MAD1L1: variants seen among roughly 807,000 people sequenced by gnomAD.
MAD1L1 encodes the protein mitotic spindle assembly checkpoint protein MAD1.
In MAD1L1, 95 loss-of-function variants were observed where a neutral mutation model predicts 96.9. That is an observed-to-expected ratio of 0.98 (90% CI 0.83 to 1.16). MAD1L1 has a LOEUF of 1.16. Among genes scored for constraint, MAD1L1 ranks in the 50% most tolerant of loss-of-function variants. MAD1L1 has a pLI of 0.00. For missense variants in MAD1L1, 1,007 were observed against 954.4 expected (o/e 1.06, Z -0.73); for synonymous variants, 473 against 396.6 (o/e 1.19, Z -2.29).
intron 10 of MAD1L1, among the ~76,000 whole-genome samples, chr7:2,199,483 A>G (rs1275497312): frequency 6.6e-6 from 1 of 152,250 alleles, no homozygotes; most frequent in African/African-American, 2.4e-5. Context: ...AAACCGCTCA[A>G]TAAGGACTGC....
intron 11 of MAD1L1, chr7:2,079,715 G>A (rs1158134317): frequency 6.4e-6 from 3 of 470,996 alleles, no homozygotes; most frequent in East Asian, 1.4e-4. Flanking sequence ...CGCCTGGGCA[G>A]GGCTCCTCCA....
At chr7:2,222,282 G>A (rs1316816594) in intron 5 of MAD1L1, among the ~76,000 whole-genome samples, 2 of 152,146 alleles carry the variant, frequency 1.3e-5, no homozygotes, top group Non-Finnish European at 2.9e-5. Context: ...GTTTCACCAT[G>A]TTGGTCAGGC....
At chr7:1,826,454 C>T (rs2128623507) in intron 18 of MAD1L1, among the ~76,000 whole-genome samples, 1 of 152,348 alleles carries the variant, frequency 6.6e-6, no homozygotes, top group Non-Finnish European at 1.5e-5. Context: ...CCACCCTGCA[C>T]AAGCCCTCCA....
intron 17 of MAD1L1, among the ~76,000 whole-genome samples, chr7:1,900,050 C>T (rs1340801874): frequency 6.6e-6 from 1 of 152,226 alleles, no homozygotes; most frequent in African/African-American, 2.4e-5. Context: ...TAGGCCAGAT[C>T]ACGTGCCGGA....
intron 11 of MAD1L1, among the ~76,000 whole-genome samples, chr7:2,125,804 A>T (rs377340022): frequency 6.6e-6 from 1 of 152,250 alleles, no homozygotes; most frequent in East Asian, 1.9e-4. Context: ...AACTGAGGAG[A>T]CAATATCAAG....
chr7:2,215,197 G>A (rs1793197952), intron 9 of MAD1L1, among the ~76,000 whole-genome samples: 1 of 152,116 alleles, frequency 6.6e-6, no homozygotes, highest in Non-Finnish European at 1.5e-5. Context: ...AGCCAACGTG[G>A]TGAAACCCTA....
At chr7:1,926,032 AG>A (rs1241384983) in intron 17 of MAD1L1, among the ~76,000 whole-genome samples, 6 of 152,140 alleles carry the variant, frequency 3.9e-5, no homozygotes, top group African/African-American at 1.4e-4. Flanking sequence ...AAAAGAAAAA[AG>A]AAAAAAAAAG....
At chr7:1,956,861 T>C (rs969832648) in intron 16 of MAD1L1, among the ~76,000 whole-genome samples, 2 of 152,172 alleles carry the variant, frequency 1.3e-5, no homozygotes, top group African/African-American at 4.8e-5. Flanking sequence ...TGAGGACACC[T>C]TGGGGAAAGG....
At chr7:1,957,554 A>T (rs888002138) in intron 16 of MAD1L1, 75 bp downstream of exon 16, 30 of 1,438,470 alleles carry the variant, frequency 2.1e-5, no homozygotes, top group Admixed American at 3.6e-5. Context: ...GGCAGCAGGA[A>T]CCACGGTCGT....
intron 18 of MAD1L1, among the ~76,000 whole-genome samples, chr7:1,852,518 G>A (rs1422299375): frequency 6.6e-6 from 1 of 152,178 alleles, no homozygotes; most frequent in African/African-American, 2.4e-5. Flanking sequence ...GGGCAGCCAG[G>A]CTTCCACCCT....
chr7:2,001,970 G>A, intron 14 of MAD1L1, 95 bp downstream of exon 14: 1 of 1,313,384 alleles, frequency 7.6e-7, no homozygotes, highest in Non-Finnish European at 1.1e-6. Context: ...CCATGCACTG[G>A]CGCCTGCAGC....
At chr7:1,841,680 T>C (rs185495359) in intron 18 of MAD1L1, among the ~76,000 whole-genome samples, 45 of 152,278 alleles carry the variant, frequency 3.0e-4, no homozygotes, top group African/African-American at 1.1e-3. Flanking sequence ...AGTCCGGCCT[T>C]CCCGGACCAC....
intron 11 of MAD1L1, among the ~76,000 whole-genome samples, chr7:2,082,577 C>G (rs1785708224): frequency 6.6e-6 from 1 of 152,194 alleles, no homozygotes; most frequent in South Asian, 2.1e-4. Context: ...AGAGAGGCAG[C>G]AGGCCAAGTG....
chr7:2,200,667 T>C (rs961689006), intron 10 of MAD1L1: 27 of 152,224 alleles, frequency 1.8e-4, no homozygotes, highest in African/African-American at 6.3e-4. Flanking sequence ...GAAGTGATCA[T>C]CTCACAGCAC....
At chr7:1,994,833 AG>A (rs1781489833) in intron 14 of MAD1L1, among the ~76,000 whole-genome samples, 1 of 152,298 alleles carries the variant, frequency 6.6e-6, no homozygotes, top group South Asian at 2.1e-4. Context: ...AATGTCTGCA[AG>A]GGTTTTGTTT....
rs377694970 is a variant in MAD1L1 at position 1,944,930 on chromosome 7, C to T, written c.1597-8033G>A. 3.5e-4 allele frequency among the ~76,000 whole-genome samples: 54 copies of T among 152,352 alleles called. No homozygotes were observed. The East Asian group carries it at 9.5e-3, about 27-fold the overall frequency. ...GGCAGGGGACCGGCTGGCCTGGCTT[C>T]TGTGGCTTGGCAGCCCCTGCAAGTG... On this transcript the variant is annotated intron_variant, in intron 16 of 18. Transcript: ENST00000265854.
chr7:2,091,396 G>C (rs1262697532), intron 11 of MAD1L1, among the ~76,000 whole-genome samples: 1 of 152,230 alleles, frequency 6.6e-6, no homozygotes, highest in Non-Finnish European at 1.5e-5. Context: ...AGTTCCTTCT[G>C]AATCTGTCTA....
rs568391249 is a variant in MAD1L1, at chr7:1,925,194, T to C, written c.1807+11493A>G. On this transcript the variant is annotated intron_variant, in intron 17 of 18. Coordinates refer to ENST00000265854, the MANE Select transcript of MAD1L1 (RefSeq NM_001013836.2). ...AGGTGCACATGGGACATTTTGAGGT[T>C]ATCAAATTATCAGCTACCAAATAAA... Among the ~76,000 whole-genome samples, 8 of 152,328 alleles carry C rather than the reference T, an allele frequency of 5.3e-5. No homozygotes were observed. In the South Asian group the frequency reaches 1.0e-3, roughly 20 times the overall value.
chr7:1,943,090 G>A (rs945382980), intron 16 of MAD1L1, among the ~76,000 whole-genome samples: 1 of 152,150 alleles, frequency 6.6e-6, no homozygotes, highest in Non-Finnish European at 1.5e-5. Context: ...GAATGAAGCT[G>A]GGCCCCACCT....
Sources: gnomAD v4.1 joint callset for allele counts (sites outside exome capture counted in the v4.1 genomes callset) on GRCh38, gnomAD v4.1.1 for gene constraint, MANE v1.5 for transcripts, NCBI Gene and HGNC (gene_info 2026-07-23, HGNC 2026-07-21) for gene names.